ERAP1: variants seen among roughly 807,000 people sequenced by gnomAD.
ERAP1 encodes adipocyte-derived leucine aminopeptidase.
In ERAP1, 86 loss-of-function variants were observed where a neutral mutation model predicts 103.7. That is an observed-to-expected ratio of 0.83 (90% CI 0.70 to 0.99). ERAP1 has a LOEUF of 0.99. Ranked by LOEUF, ERAP1 falls within the 50% of genes least tolerant of loss-of-function variation. ERAP1 has a pLI of 0.00. For synonymous variants in ERAP1, 398 were observed against 402.4 expected (o/e 0.99, Z 0.13); for missense variants, 1,009 against 1,128.4 (o/e 0.89, Z 1.52).
At chr5:96,881,086 C>A in the ERAP1 span, 1 of 229,422 alleles carries the variant, frequency 4.4e-6, no homozygotes, top group Non-Finnish European at 8.9e-6. Context: ...CTGAGGAGAG[C>A]GAACAAGAGG....
intron 18 of ERAP1, 128 bp downstream of exon 18, chr5:96,780,295 C>T: frequency 1.5e-6 from 1 of 673,166 alleles, no homozygotes; most frequent in Non-Finnish European, 2.4e-6. Context: ...CCATAGCATC[C>T]AAAAATAACT....
intron 19 of ERAP1, chr5:96,768,502 CTTTT>C (rs553007301): frequency 2.0e-5 from 8 of 405,786 alleles, no homozygotes; most frequent in Non-Finnish European, 9.5e-6. Context: ...TGTGGATTTC[CTTTT>C]TTTTCTATAT....
chr5:96,797,335 C>T (rs776713368), intron 3 of ERAP1, 26 bp from the exon 4 acceptor site: 10 of 1,605,034 alleles, frequency 6.2e-6, no homozygotes, highest in Non-Finnish European at 1.7e-6. Context: ...TTCAAATTAT[C>T]AAGTAATCCA....
intron 1 of ERAP1, chr5:96,805,714 G>A (rs1778526596): frequency 6.6e-6 from 1 of 152,308 alleles, no homozygotes; most frequent in Admixed American, 6.5e-5. Flanking sequence ...GAACTAGAGA[G>A]TAAATGGAAC....
exon 20 of ERAP1, chr5:96,763,155 C>T (rs765360150): frequency 3.8e-6 from 3 of 780,514 alleles, no homozygotes; most frequent in South Asian, 2.7e-5. Flanking sequence ...TTTGATGTAG[C>T]ATCAAAGCAT....
chr5:96,886,590 G>C, the ERAP1 span: 1 of 1,379,992 alleles, frequency 7.2e-7, no homozygotes, highest in Non-Finnish European at 9.7e-7. Context: ...CCTGCCATAA[G>C]TCATAGGCAT....
At chr5:96,804,464 C>G (rs749696080) in intron 1 of ERAP1, 1 of 178,428 alleles carries the variant, frequency 5.6e-6, no homozygotes, top group African/African-American at 2.4e-5. Flanking sequence ...ACCACTAGAA[C>G]GAGGTCTCCA....
chr5:96,877,133 C>T, the ERAP1 span, among the ~76,000 whole-genome samples: 1 of 152,114 alleles, frequency 6.6e-6, no homozygotes, highest in African/African-American at 2.4e-5. Context: ...TGCCACCATG[C>T]CCGGCTAATT....
the ERAP1 span, among the ~76,000 whole-genome samples, chr5:96,877,540 A>T: frequency 6.6e-6 from 1 of 152,254 alleles, no homozygotes; most frequent in Non-Finnish European, 1.5e-5. Flanking sequence ...CAACTTCTTC[A>T]CATGAATTAT....
the ERAP1 span, among the ~76,000 whole-genome samples, chr5:96,859,875 G>A: frequency 6.6e-6 from 1 of 151,962 alleles, no homozygotes; most frequent in African/African-American, 2.4e-5. Context: ...AATGTTTGAG[G>A]GAGATTTTTC....
At chr5:96,852,022 G>A in the ERAP1 span, among the ~76,000 whole-genome samples, 7 of 152,308 alleles carry the variant, frequency 4.6e-5, no homozygotes, top group Middle Eastern at 3.4e-3. Context: ...GTCATGTGGA[G>A]AGAGGGGCAA....
At chr5:96,855,756 T>C in the ERAP1 span, among the ~76,000 whole-genome samples, 1 of 152,214 alleles carries the variant, frequency 6.6e-6, no homozygotes, top group Non-Finnish European at 1.5e-5. Flanking sequence ...GATTTCACAG[T>C]CAAGAGTGAA....
chr5:96,818,568 T>G, the ERAP1 span, among the ~76,000 whole-genome samples: 1 of 152,162 alleles, frequency 6.6e-6, no homozygotes, highest in African/African-American at 2.4e-5. Context: ...GAGGCTTTTT[T>G]TGTTGTGCAG....
chr5:96,840,076 C>A, the ERAP1 span, among the ~76,000 whole-genome samples: 1 of 152,160 alleles, frequency 6.6e-6, no homozygotes, highest in Non-Finnish European at 1.5e-5. Flanking sequence ...GCATATAATA[C>A]TTTTTCCAAT....
At chr5:96,900,957 G>A in the ERAP1 span, among the ~76,000 whole-genome samples, 3 of 152,094 alleles carry the variant, frequency 2.0e-5, no homozygotes, top group African/African-American at 7.2e-5. Context: ...GATCCACGGC[G>A]CCTGGCCCTA....
the ERAP1 span, among the ~76,000 whole-genome samples, chr5:96,844,477 A>G: frequency 6.6e-6 from 1 of 152,154 alleles, no homozygotes; most frequent in Non-Finnish European, 1.5e-5. Context: ...GCCAGTCACA[A>G]CCAATTTTGA....
At chr5:96,791,419 G>T (rs1021144965) in intron 8 of ERAP1, among the ~76,000 whole-genome samples, 3 of 152,192 alleles carry the variant, frequency 2.0e-5, no homozygotes, top group African/African-American at 7.2e-5. Context: ...AAGCACAATG[G>T]TAACTGGCAA....
At position 96,807,851 on chromosome 5, in the gene ERAP1, G is replaced by A; in HGVS notation, c.-18+9C>T. 4 of 985,866 alleles carry A rather than the reference G, an allele frequency of 4.1e-6. No individual in the cohort carries two copies. Among genetic ancestry groups the A allele is most frequent in the Non-Finnish European group, 4.8e-6 (4 of 830,208 alleles). The allele number at this position is 985,866 out of a possible 1,614,324, so 61.1% of individuals were successfully genotyped here. On this transcript the variant is annotated intron_variant, in intron 1 of 18. Transcript: ENST00000443439. ...GCAGTCCCCTACCCGCGGCTCGAGCGCGCTGTACCTGGGGTTCTGGGGCCG... is the reference window on the plus strand; with the variant it reads ...GCAGTCCCCTACCCGCGGCTCGAGCACGCTGTACCTGGGGTTCTGGGGCCG...
chr5:96,925,301 T>C, the ERAP1 span, among the ~76,000 whole-genome samples: 8 of 152,320 alleles, frequency 5.3e-5, no homozygotes, highest in Admixed American at 3.9e-4. Context: ...GTGAGGGTAC[T>C]TGTCCTCATT....
Sources: allele counts gnomAD v4.1 joint callset (sites outside exome capture counted in the v4.1 genomes callset), GRCh38; gene constraint gnomAD v4.1.1; transcripts MANE v1.5; gene names NCBI Gene and HGNC (gene_info 2026-07-23, HGNC 2026-07-21).